DOCK3: variants seen among roughly 807,000 people sequenced by gnomAD.
DOCK3 encodes dedicator of cytokinesis 3.
A neutral mutation model predicts 265.6 loss-of-function variants in DOCK3; 60 were observed. The observed-to-expected ratio is 0.23, with a 90% CI of 0.18 to 0.28. The LOEUF (loss-of-function observed/expected upper bound fraction) is 0.28, where lower values mean the gene tolerates loss of function less well. Ranked by LOEUF, DOCK3 falls within the 10% of genes least tolerant of loss-of-function variation. The pLI is 1.00. For synonymous variants in DOCK3, 881 were observed against 938.0 expected, an observed-to-expected ratio of 0.94 and a Z score of 1.11; for missense variants, 1,981 against 2,594.3, an observed-to-expected ratio of 0.76 and a Z score of 5.14.
rs782604946 is a variant in DOCK3, at chr3:51,381,605, C to T, written c.*46C>T. 6.9e-7 allele frequency: 1 copy of T among 1,455,490 alleles called. No homozygotes were observed. 90.2% of individuals were successfully genotyped at this position (1,455,490 alleles called of 1,614,324 possible). A position where few individuals can be genotyped will look rare whatever the true frequency, so the allele number is the denominator to read the frequency against. ...ATGCCGCCCTCAGTAAGCAGCTTGCCAATCACTCCAGGTCTGAAAAGCAAG... is the reference window on the plus strand; with the variant it reads ...ATGCCGCCCTCAGTAAGCAGCTTGCTAATCACTCCAGGTCTGAAAAGCAAG... On this transcript the variant is annotated 3_prime_UTR_variant, in exon 53 of 53. Transcript: ENST00000266037. The surrounding 1 kb of genome is among the most constrained non-coding windows in gnomAD (Gnocchi z 5.6).
chr3:51,354,831 G>C, intron 40 of DOCK3, 51 bp from the exon 41 acceptor site: 2 of 1,587,938 alleles, frequency 1.3e-6, no homozygotes, highest in East Asian at 2.2e-5. Context: ...GGGTGGAGGT[G>C]GGGGGCTACA....
intron 1 of DOCK3, among the ~76,000 whole-genome samples, chr3:50,712,675 T>G (rs1325640919): frequency 6.6e-6 from 1 of 152,236 alleles, no homozygotes; most frequent in Non-Finnish European, 1.5e-5. Context: ...GTCTCATTTT[T>G]ATTCATCTCA....
At chr3:51,068,278 C>T (rs1265891719) in intron 6 of DOCK3, among the ~76,000 whole-genome samples, 3 of 152,048 alleles carry the variant, frequency 2.0e-5, no homozygotes, top group Non-Finnish European at 4.4e-5. Context: ...CGGTGGCTCA[C>T]GCCTGTAATC....
intron 9 of DOCK3, among the ~76,000 whole-genome samples, chr3:51,095,851 C>CA (rs71278627): frequency 0.029 from 288 of 9,796 alleles, 82 homozygotes; most frequent in African/African-American, 0.12. Flanking sequence ...ATAAGGTTAG[C>CA]AAAAAAAAAA....
At chr3:50,770,079 G>C (rs937390110) in intron 1 of DOCK3, among the ~76,000 whole-genome samples, 3 of 152,052 alleles carry the variant, frequency 2.0e-5, no homozygotes. Flanking sequence ...CAGTTATTCA[G>C]CATAGTACTG....
At chr3:51,233,320 A>G (rs750947847) in intron 19 of DOCK3, among the ~76,000 whole-genome samples, 18 of 59,428 alleles carry the variant, frequency 3.0e-4, no homozygotes, top group African/African-American at 6.3e-4. Context: ...CTTTCTTTCT[A>G]TCTATCTATC....
At chr3:51,000,102 C>T (rs146701024) in intron 5 of DOCK3, among the ~76,000 whole-genome samples, 1 of 152,222 alleles carries the variant, frequency 6.6e-6, no homozygotes, top group Non-Finnish European at 1.5e-5. Context: ...CCTTGTATAC[C>T]TAGGTGCTTT....
At position 50,889,991 on chromosome 3, in the gene DOCK3, A is replaced by T. The variant is rs545333210; in HGVS notation, c.163-35A>T. The stretch of plus-strand genomic sequence containing the variant: ...TATATGAAATGTTAATCACAATTTT[A>T]TTTTTTCTAACAGGAAATATTTTCT... On this transcript the variant is annotated intron_variant, in intron 3 of 52. Transcript: ENST00000266037. 3.7e-4 allele frequency: 503 copies of T among 1,377,578 alleles called. No individual in the cohort carries two copies. The highest frequency in any genetic ancestry group is 3.7e-4 in the Non-Finnish European group (394 of 1,066,954). The allele number at this position is 1,377,578 out of a possible 1,614,324, so 85.3% of individuals were successfully genotyped here. A position where few individuals can be genotyped will look rare whatever the true frequency, so the allele number is the denominator to read the frequency against.
intron 3 of DOCK3, among the ~76,000 whole-genome samples, chr3:50,884,987 C>T (rs1048905545): frequency 1.3e-5 from 2 of 152,138 alleles, no homozygotes; most frequent in East Asian, 1.9e-4. Flanking sequence ...GCTATCATTA[C>T]GGTACCATAC....
intron 23 of DOCK3, among the ~76,000 whole-genome samples, chr3:51,261,783 A>C (rs1022590828): frequency 1.3e-5 from 2 of 152,082 alleles, no homozygotes; most frequent in African/African-American, 4.8e-5. Context: ...TCACAGTGTA[A>C]AAAAAAGCTG....
intron 4 of DOCK3, chr3:50,898,498 A>G (rs541802083): frequency 2.0e-4 from 30 of 152,002 alleles, no homozygotes; most frequent in African/African-American, 5.8e-4. Flanking sequence ...CTCTGATCTT[A>G]GTTATTTCTT....
chr3:51,266,911 T>A (rs1260550538), intron 23 of DOCK3, among the ~76,000 whole-genome samples: 3 of 152,014 alleles, frequency 2.0e-5, no homozygotes, highest in African/African-American at 7.3e-5. Context: ...TAGGAGAAAA[T>A]TTTTGCCATC....
intron 12 of DOCK3, among the ~76,000 whole-genome samples, chr3:51,171,979 T>C (rs1289365059): frequency 6.6e-6 from 1 of 152,200 alleles, no homozygotes; most frequent in African/African-American, 2.4e-5. Context: ...GTAGAACTAT[T>C]AATATTTGCT....
At chr3:51,203,300 G>C (rs951658263) in intron 12 of DOCK3, among the ~76,000 whole-genome samples, 1 of 152,178 alleles carries the variant, frequency 6.6e-6, no homozygotes, top group Non-Finnish European at 1.5e-5. Flanking sequence ...TCCTTAAGCT[G>C]ATAAGCAAAT....
intron 6 of DOCK3, among the ~76,000 whole-genome samples, chr3:51,073,769 T>C (rs1351244460): frequency 6.6e-6 from 1 of 152,144 alleles, no homozygotes; most frequent in Non-Finnish European, 1.5e-5. Flanking sequence ...AGGAAAATGT[T>C]TTTTCTTTTT....
intron 1 of DOCK3, among the ~76,000 whole-genome samples, chr3:50,680,732 A>G (rs1485380867): frequency 6.6e-6 from 1 of 150,778 alleles, no homozygotes; most frequent in Non-Finnish European, 1.5e-5. Context: ...GCTGGTCTTG[A>G]GCTCCTGGCC....
chr3:51,320,607 G>A (rs544897155), intron 32 of DOCK3, among the ~76,000 whole-genome samples: 3 of 152,274 alleles, frequency 2.0e-5, no homozygotes, highest in Admixed American at 6.5e-5. Context: ...ACAGCAGTCC[G>A]AGGTCGACCT....
intron 14 of DOCK3, among the ~76,000 whole-genome samples, chr3:51,214,871 A>G (rs2089698421): frequency 6.6e-6 from 1 of 152,174 alleles, no homozygotes; most frequent in Admixed American, 6.5e-5. Flanking sequence ...CCAGTAGGTC[A>G]GTATCAGGTT....
chr3:51,099,301 T>C (rs2082989486), intron 9 of DOCK3, among the ~76,000 whole-genome samples: 1 of 152,204 alleles, frequency 6.6e-6, no homozygotes, highest in African/African-American at 2.4e-5. Context: ...AAACCTGCCT[T>C]TTTCATCTGA....
Sources: allele counts gnomAD v4.1 joint callset (sites outside exome capture counted in the v4.1 genomes callset), GRCh38; gene constraint gnomAD v4.1.1; non-coding constraint Gnocchi (gnomAD v3.1); transcripts MANE v1.5; gene names NCBI Gene and HGNC (gene_info 2026-07-23, HGNC 2026-07-21).